CEMIP: variants seen among roughly 807,000 people sequenced by gnomAD.
CEMIP encodes cell migration inducing hyaluronidase 1, also known as cell migration-inducing and hyaluronan-binding protein.
A neutral mutation model predicts 156.9 loss-of-function variants in CEMIP; 105 were observed. The observed-to-expected ratio is 0.67, with a 90% confidence interval of 0.57 to 0.79. The LOEUF (loss-of-function observed/expected upper bound fraction) is 0.79. Among genes scored for constraint, CEMIP ranks in the 30% least tolerant of loss-of-function variants. The pLI is 0.00. For synonymous variants in CEMIP, 676 were observed against 668.4 expected (o/e 1.01, Z -0.17); for missense variants, 1,457 against 1,769.4 (o/e 0.82, Z 3.17).
Position 80,846,689 on chromosome 15 carries a change from G to A in CEMIP, c.-175-26849G>A, listed in dbSNP as rs556946937. On this transcript the variant is annotated intron_variant, in intron 1 of 29. Coordinates refer to ENST00000394685, the MANE Select transcript of CEMIP (RefSeq NM_001293298.2). ...GAAAGGCCTGCCTGCCGGTGGTCCC[G>A]ATGCCACTAGGTGGGGCAGGATTTG... 6.2e-4 allele frequency among the ~76,000 whole-genome samples: 95 copies of A among 152,252 alleles called. 1 individual carries two copies. The highest frequency in any genetic ancestry group is 2.1e-3 in the African/African-American group (89 of 41,548).
In CEMIP at chr15:80,806,415, G is replaced by C. The variant is rs1219378912; in HGVS notation, c.-176+26801G>C. On this transcript the variant is annotated intron_variant, in intron 1 of 29. Transcript: ENST00000394685. ...GACCCCAGTTCTGAAAAATATTCTG[G>C]AGAGAAGCTCATGGTGAGCGCTCAT... is the stretch of plus-strand genomic sequence containing the variant. 2.0e-5 allele frequency among the ~76,000 whole-genome samples: 3 copies of C among 152,292 alleles called. 1 individual carries two copies. The South Asian group carries it at 6.2e-4, about 32-fold the overall frequency.
chr15:80,887,132 G>A (rs1168345325), intron 7 of CEMIP, among the ~76,000 whole-genome samples: 1 of 152,154 alleles, frequency 6.6e-6, no homozygotes, highest in Non-Finnish European at 1.5e-5. Context: ...AGGAATGATG[G>A]ATGTACAATT....
intron 14 of CEMIP, among the ~76,000 whole-genome samples, chr15:80,915,658 C>G (rs12904885): frequency 0.73 from 111,675 of 151,970 alleles, 44,357 homozygotes; most frequent in Non-Finnish European, 0.87. Context: ...ACGCTTCCCC[C>G]CAGGCTACTC....
intron 29 of CEMIP, 71 bp from the exon 30 acceptor site, chr15:80,948,726 G>C: frequency 6.2e-7 from 1 of 1,606,648 alleles, no homozygotes; most frequent in Non-Finnish European, 8.5e-7. Flanking sequence ...GCGATGGGGA[G>C]CCATGGAACG....
intron 1 of CEMIP, among the ~76,000 whole-genome samples, chr15:80,781,379 T>G (rs1045898721): frequency 6.6e-6 from 1 of 152,216 alleles, no homozygotes; most frequent in Non-Finnish European, 1.5e-5. Flanking sequence ...ATGACTTTCT[T>G]AAAGCAATTT....
intron 1 of CEMIP, among the ~76,000 whole-genome samples, chr15:80,803,506 T>C (rs774358136): frequency 6.6e-6 from 1 of 152,022 alleles, no homozygotes; most frequent in Non-Finnish European, 1.5e-5. Context: ...AGCAAAATAT[T>C]ATAATGGAAA....
chr15:80,826,362 TGAGGCTTCTAC>T (rs1335016638), intron 1 of CEMIP, among the ~76,000 whole-genome samples: 1 of 152,236 alleles, frequency 6.6e-6, no homozygotes, highest in African/African-American at 2.4e-5. Flanking sequence ...TTGGCTTCTA[TGAGGCTTCTAC>T]ATCTTGCCTT....
Position 80,920,194 on chromosome 15 carries a change from T to TAAAGTCTGGAACCCTCCTCCC in CEMIP, c.1898_1899insAAAGTCTGGAACCCTCCTCCC (p.Lys634_Pro640dup). 1 of 1,614,174 alleles carries TAAAGTCTGGAACCCTCCTCCC rather than the reference T, an allele frequency of 6.2e-7. No individual in the cohort carries two copies. Among genetic ancestry groups the TAAAGTCTGGAACCCTCCTCCC allele is most frequent in the African/African-American group, 1.3e-5 (1 of 75,054 alleles). ...TTTGACCACTGTCTTGGCCTCCTTG[T>TAAAGTCTGGAACCCTCCTCCC]CAAGTCTGGAACCCTCCTCCCCTCG... On this transcript the variant is annotated inframe_insertion, in exon 15 of 30. Coordinates refer to ENST00000394685, the MANE Select transcript of CEMIP (RefSeq NM_001293298.2).
At chr15:80,799,664 T>A (rs1009012984) in intron 1 of CEMIP, among the ~76,000 whole-genome samples, 21 of 152,180 alleles carry the variant, frequency 1.4e-4, no homozygotes, top group African/African-American at 4.8e-4. Context: ...AGATATGGAA[T>A]CAATCTAAGT....
intron 29 of CEMIP, chr15:80,948,450 C>T (rs1298924736): frequency 2.7e-6 from 1 of 370,906 alleles, no homozygotes; most frequent in Non-Finnish European, 5.2e-6. Context: ...GGGGCAGGGA[C>T]TTGCTGGTTG....
At chr15:80,862,047 G>C (rs544760444) in intron 1 of CEMIP, among the ~76,000 whole-genome samples, 1 of 152,214 alleles carries the variant, frequency 6.6e-6, no homozygotes. Flanking sequence ...AGCCTCCTGC[G>C]CTCCCCTTGG....
chr15:80,840,016 G>A (rs886632432), intron 1 of CEMIP, among the ~76,000 whole-genome samples: 1 of 152,218 alleles, frequency 6.6e-6, no homozygotes, highest in Non-Finnish European at 1.5e-5. Flanking sequence ...TGAAGCTGCT[G>A]AGTCTTTTTG....
At chr15:80,838,946 G>C (rs1030241322) in intron 1 of CEMIP, among the ~76,000 whole-genome samples, 1 of 152,140 alleles carries the variant, frequency 6.6e-6, no homozygotes, top group African/African-American at 2.4e-5. Flanking sequence ...AAAGCGCTCC[G>C]TGCATGTTTG....
At chr15:80,825,936 G>T (rs746152090) in intron 1 of CEMIP, among the ~76,000 whole-genome samples, 84 of 152,206 alleles carry the variant, frequency 5.5e-4, no homozygotes, top group Admixed American at 1.3e-3. Context: ...ATAAAGAAAA[G>T]ATTGTGGGCA....
intron 1 of CEMIP, among the ~76,000 whole-genome samples, chr15:80,837,024 C>T (rs528732259): frequency 6.6e-6 from 1 of 152,328 alleles, no homozygotes; most frequent in Non-Finnish European, 1.5e-5. Context: ...ACCACTCTCC[C>T]CTTCACTGGG....
rs1405370000 is a variant in CEMIP, at chr15:80,932,064, C to G, written c.2793+25C>G. ...GGTGAGTGAGGCGCCAGGGCAGACT[C>G]CCGGCAAACCCAGACTTTGGATGGT... is the stretch of plus-strand genomic sequence containing the variant. On this transcript the variant is annotated intron_variant, in intron 22 of 29. Transcript: ENST00000394685. The surrounding 1 kb of genome is among the most constrained non-coding windows in gnomAD (Gnocchi z 4.5). 6.2e-7 allele frequency: 1 copy of G among 1,609,640 alleles called. No individual in the cohort carries two copies. Among genetic ancestry groups the G allele is most frequent in the South Asian group, 1.1e-5 (1 of 91,074 alleles).
intron 7 of CEMIP, among the ~76,000 whole-genome samples, chr15:80,884,686 TTTTCTC>T (rs1452544902): frequency 6.6e-6 from 1 of 152,252 alleles, no homozygotes; most frequent in African/African-American, 2.4e-5. Flanking sequence ...CTAATATTCA[TTTTCTC>T]TTTCTTTGGT....
At chr15:80,799,426 G>A (rs925584998) in intron 1 of CEMIP, among the ~76,000 whole-genome samples, 1 of 152,222 alleles carries the variant, frequency 6.6e-6, no homozygotes, top group South Asian at 2.1e-4. Flanking sequence ...TGTGGCCCAG[G>A]CTAGGGAAGG....
intron 12 of CEMIP, chr15:80,896,347 G>C (rs1899223299): frequency 5.3e-6 from 3 of 568,506 alleles, no homozygotes; most frequent in Non-Finnish European, 1.0e-5. Context: ...TTCTCACGGG[G>C]GAGATTGCAA....
Sources: gnomAD v4.1 joint callset for allele counts (sites outside exome capture counted in the v4.1 genomes callset) on GRCh38, gnomAD v4.1.1 for gene constraint, Gnocchi (gnomAD v3.1) non-coding constraint, MANE v1.5 for transcripts, NCBI Gene and HGNC (gene_info 2026-07-23, HGNC 2026-07-21) for gene names.